DCC: variants seen among roughly 807,000 people sequenced by gnomAD.
The protein encoded by DCC is DCC netrin 1 receptor.
In DCC, 58 loss-of-function variants were observed where a neutral mutation model predicts 172.5. The observed-to-expected ratio is 0.34, with a 90% CI of 0.27 to 0.42. DCC has a LOEUF of 0.42. DCC is among the 10% of genes least tolerant of loss of function. The pLI, the probability that DCC is intolerant of heterozygous loss-of-function variation, is 1.00. For missense variants in DCC, 1,740 were observed against 1,791.0 expected, an observed-to-expected ratio of 0.97 and a Z score of 0.51; for synonymous variants, 709 against 644.5, an observed-to-expected ratio of 1.10 and a Z score of -1.52.
rs12185449 is a variant in DCC at position 53,101,547 on chromosome 18, G to A, written c.1261+35381G>A. 4.8e-3 allele frequency among the ~76,000 whole-genome samples: 730 copies of A among 152,182 alleles called. 7 individuals are homozygous for A. The highest frequency in any genetic ancestry group is 8.3e-3 in the Non-Finnish European group (563 of 68,000). Reference sequence around the variant, plus strand: ...TGGGCTGCTAGTCACACACCAGCATGCTGGGAACAATAAGCTCACAGGGGT... The same window carrying A: ...TGGGCTGCTAGTCACACACCAGCATACTGGGAACAATAAGCTCACAGGGGT... On this transcript the variant is annotated intron_variant, in intron 7 of 28. Transcript: ENST00000442544.
rs374129823 is a variant in DCC, at chr18:52,783,323, C to CTTTTTTTTTTTTTTTTTTTTTTTTTT, written c.412+30962_412+30987dup. On this transcript the variant is annotated intron_variant, in intron 2 of 28. Coordinates refer to ENST00000442544, the MANE Select transcript of DCC (RefSeq NM_005215.4). ...ACTAAAAATAATTTATACTACTACT[C>CTTTTTTTTTTTTTTTTTTTTTTTTTT]TTTTTTTTTTTTTTTTTTTTTTTTT... is the stretch of plus-strand genomic sequence containing the variant. 6.7e-5 allele frequency among the ~76,000 whole-genome samples: 4 copies of CTTTTTTTTTTTTTTTTTTTTTTTTTT among 59,270 alleles called. 1 individual carries two copies. In the Admixed American group the frequency reaches 7.2e-4, roughly 11 times the overall value. The allele number at this position is 59,270 out of a possible 152,430, so 38.9% of individuals were successfully genotyped here.
Position 53,179,106 on chromosome 18 carries a change from A to G in DCC, c.1563A>G (p.Thr521=). The G allele has an allele frequency of 6.2e-7, 1 of 1,613,900 alleles. No individual in the cohort carries two copies. Among genetic ancestry groups the G allele is most frequent in the Non-Finnish European group, 8.5e-7 (1 of 1,179,882 alleles). ...GTTCTCAACCCATCAAGGTGGCCACACAGCCTGAGTGTGAGTATGAAAAGG... is the reference window on the plus strand; with the variant it reads ...GTTCTCAACCCATCAAGGTGGCCACGCAGCCTGAGTGTGAGTATGAAAAGG... ...GESSQPIKVA[T]QPELQVPGPV... Residue 521 remains threonine, a synonymous_variant, in exon 9 of 29, where the codon ACA becomes ACG. Coordinates refer to ENST00000442544, the MANE Select transcript of DCC (RefSeq NM_005215.4).
chr18:52,964,424 TGAGG>T (rs1364891241), intron 5 of DCC, among the ~76,000 whole-genome samples: 1 of 152,154 alleles, frequency 6.6e-6, no homozygotes, highest in African/African-American at 2.4e-5. Flanking sequence ...AATTCATCCA[TGAGG>T]GAGCCTGAGA....
At chr18:53,511,066 G>C (rs1386107560) in intron 27 of DCC, among the ~76,000 whole-genome samples, 1 of 152,168 alleles carries the variant, frequency 6.6e-6, no homozygotes, top group Non-Finnish European at 1.5e-5. Flanking sequence ...CAAGGCATGA[G>C]CAATAAGGTA....
chr18:53,226,948 A>ATATATATATATATAGTTTTTTTTTTTTT, intron 12 of DCC, among the ~76,000 whole-genome samples: 1 of 52,948 alleles, frequency 1.9e-5, no homozygotes. Flanking sequence ...ATATATATAT[A>ATATATATATATATAGTTTTTTTTTTTTT]TTTTTTTTTT....
chr18:52,482,576 C>T (rs972494330), intron 1 of DCC, among the ~76,000 whole-genome samples: 6 of 152,106 alleles, frequency 3.9e-5, no homozygotes, highest in African/African-American at 1.2e-4. Context: ...AGAAAGGGAG[C>T]AAGAAAGCTC....
intron 12 of DCC, among the ~76,000 whole-genome samples, chr18:53,265,840 A>G (rs1211919892): frequency 6.6e-6 from 1 of 152,122 alleles, no homozygotes; most frequent in African/African-American, 2.4e-5. Context: ...ATTAGCTACT[A>G]TCCCCTGAAG....
intron 1 of DCC, among the ~76,000 whole-genome samples, chr18:52,607,020 G>T (rs542906726): frequency 3.9e-5 from 6 of 152,056 alleles, no homozygotes; most frequent in Non-Finnish European, 7.4e-5. Flanking sequence ...AAATGCTAAA[G>T]GTCATTTTTT....
At chr18:52,773,507 T>TATAC (rs1266402337) in intron 2 of DCC, among the ~76,000 whole-genome samples, 46 of 83,174 alleles carry the variant, frequency 5.5e-4, no homozygotes, top group African/African-American at 1.2e-3. Context: ...TCTCTATATA[T>TATAC]CTATATCTAT....
chr18:53,194,315 A>C (rs1473929570), intron 9 of DCC, among the ~76,000 whole-genome samples: 7 of 152,148 alleles, frequency 4.6e-5, no homozygotes, highest in Admixed American at 4.6e-4. Context: ...GAGATATAAC[A>C]ACAAATGAAA....
At chr18:53,117,430 C>T (rs2043424156) in intron 7 of DCC, among the ~76,000 whole-genome samples, 1 of 151,698 alleles carries the variant, frequency 6.6e-6, no homozygotes, top group Non-Finnish European at 1.5e-5. Flanking sequence ...ACTCATCCTC[C>T]ACCCTTTCTT....
intron 1 of DCC, among the ~76,000 whole-genome samples, chr18:52,385,251 T>C (rs1985747680): frequency 6.6e-6 from 1 of 152,110 alleles, no homozygotes; most frequent in Non-Finnish European, 1.5e-5. Context: ...AAGGCTTCAT[T>C]TTGAAATTAC....
chr18:53,480,618 C>A (rs1214579349), intron 25 of DCC, among the ~76,000 whole-genome samples: 1 of 152,008 alleles, frequency 6.6e-6, no homozygotes, highest in South Asian at 2.1e-4. Context: ...TGCAGCCTTG[C>A]AAATTAATTA....
At chr18:53,352,810 T>A (rs1020826430) in intron 15 of DCC, among the ~76,000 whole-genome samples, 4 of 152,184 alleles carry the variant, frequency 2.6e-5, no homozygotes, top group Admixed American at 2.0e-4. Context: ...TTTGTATATG[T>A]GTATGTGTGT....
Position 52,990,540 on chromosome 18 carries a change from C to CAAAAAAAAA in DCC, c.985+65188_985+65196dup, listed in dbSNP as rs60491222. Among the ~76,000 whole-genome samples, 4 of 3,658 alleles carry CAAAAAAAAA rather than the reference C, an allele frequency of 1.1e-3. 2 individuals are homozygous for CAAAAAAAAA. The highest frequency in any genetic ancestry group is 1.3e-3 in the Non-Finnish European group (2 of 1,572). The allele number at this position is 3,658 out of a possible 152,430, so 2.4% of individuals were successfully genotyped here. On this transcript the variant is annotated intron_variant, in intron 5 of 28. Coordinates refer to ENST00000442544, the MANE Select transcript of DCC (RefSeq NM_005215.4). Reference sequence around the variant, plus strand: ...GGGCAACAAGAGCAAAACTCCATCCCAAAAAAAAAAAAAAAAAAAAAAAAA... The same window carrying CAAAAAAAAA: ...GGGCAACAAGAGCAAAACTCCATCCCAAAAAAAAAAAAAAAAAAAAAAAAAAAAAAAAAA...
chr18:52,782,376 TATA>T (rs112252157), intron 2 of DCC, among the ~76,000 whole-genome samples: 12,427 of 152,086 alleles, frequency 0.082, 727 homozygotes, highest in South Asian at 0.16. Context: ...GACACGTGCT[TATA>T]ATAATAAGTA....
At chr18:52,439,883 C>G (rs1164737684) in intron 1 of DCC, among the ~76,000 whole-genome samples, 1 of 152,064 alleles carries the variant, frequency 6.6e-6, no homozygotes, top group Non-Finnish European at 1.5e-5. Context: ...TACACACCTA[C>G]TATGTACCCA....
At chr18:52,853,272 T>C (rs1206173970) in intron 2 of DCC, among the ~76,000 whole-genome samples, 1 of 152,172 alleles carries the variant, frequency 6.6e-6, no homozygotes, top group African/African-American at 2.4e-5. Flanking sequence ...AGGATAAATC[T>C]TCTGTAAGCC....
intron 26 of DCC, among the ~76,000 whole-genome samples, chr18:53,488,856 C>CTAT (rs1238401714): frequency 2.0e-5 from 3 of 152,046 alleles, no homozygotes; most frequent in Admixed American, 6.6e-5. Context: ...AAAATAAAAT[C>CTAT]TATTAGAAAT....
Sources: gnomAD v4.1 joint callset for allele counts (sites outside exome capture counted in the v4.1 genomes callset) on GRCh38, gnomAD v4.1.1 for gene constraint, MANE v1.5 for transcripts, NCBI Gene and HGNC (gene_info 2026-07-23, HGNC 2026-07-21) for gene names.